The following ERCC6 variants were observed in gnomAD, a reference collection of about 807,000 sequenced individuals.
ERCC6 encodes the protein ERCC excision repair 6, chromatin remodeling factor, also known as DNA excision repair protein ERCC-6.
In ERCC6, 116 loss-of-function variants were observed where a neutral mutation model predicts 158.7. The ratio of observed to expected loss-of-function variants is 0.73; its 90% CI spans 0.63 to 0.85. The LOEUF is 0.85. ERCC6 is among the 40% of genes least tolerant of loss of function. The pLI is 0.00. For missense variants in ERCC6, 1,698 were observed against 1,799.4 expected, an observed-to-expected ratio of 0.94 and a Z score of 1.02; for synonymous variants, 678 against 659.3, an observed-to-expected ratio of 1.03 and a Z score of -0.43.
intron 3 of ERCC6, among the ~76,000 whole-genome samples, chr10:49,529,721 A>C (rs1014808454): frequency 6.6e-6 from 1 of 152,072 alleles, no homozygotes; most frequent in African/African-American, 2.4e-5. Context: ...AGATGCAAGG[A>C]CTCTACTCAC....
the ERCC6 span, among the ~76,000 whole-genome samples, chr10:49,444,486 T>C: frequency 6.6e-6 from 1 of 152,140 alleles, no homozygotes; most frequent in Non-Finnish European, 1.5e-5. Flanking sequence ...TATCCTATAT[T>C]TTAGGAGAGC....
At position 49,488,823 on chromosome 10, in the gene ERCC6, G is replaced by A. The variant is rs192770492; in HGVS notation, c.1821+4294C>T. Reference sequence around the variant, plus strand: ...TTTTGAGACAGAGTCTCGCTCTGTCGCCCAGACTGGAGTGCAGTGGCGTGA... The same window carrying A: ...TTTTGAGACAGAGTCTCGCTCTGTCACCCAGACTGGAGTGCAGTGGCGTGA... On this transcript the variant is annotated intron_variant, in intron 8 of 20. Coordinates refer to ENST00000355832, the MANE Select transcript of ERCC6 (RefSeq NM_000124.4). Among the ~76,000 whole-genome samples the A allele has an allele frequency of 4.6e-5, 7 of 151,972 alleles. No homozygotes were observed. The East Asian group carries it at 7.7e-4, about 17-fold the overall frequency.
chr10:49,443,138 T>C, the ERCC6 span, among the ~76,000 whole-genome samples: 1 of 152,220 alleles, frequency 6.6e-6, no homozygotes, highest in Non-Finnish European at 1.5e-5. Flanking sequence ...AGACATTGAA[T>C]GGGAAACTGA....
At chr10:49,525,060 G>T in intron 4 of ERCC6, 1 of 568,820 alleles carries the variant, frequency 1.8e-6, no homozygotes. Context: ...GCTTATTACT[G>T]TATAAATACA....
Position 49,524,654 on chromosome 10 carries a change from T to C in ERCC6, c.776A>G (p.Lys259Arg). 6.2e-7 allele frequency: 1 copy of C among 1,614,066 alleles called. No homozygotes were observed. Among genetic ancestry groups the C allele is most frequent in the East Asian group, 2.2e-5 (1 of 44,878 alleles). ...GTQIPQKQEK[K>R]PRKIMLNEAS... ...TTCATTAAGCATGATTTTTCTGGGC[T>C]TTTTCTCCTGTTTCTGAGGGATCTG... The change falls in exon 5 of 21, where the codon AAG becomes AGG. Residue 259 changes from lysine (K) to arginine (R), a missense_variant. By Grantham distance (26) the Lys-to-Arg change is conservative. Coordinates refer to ENST00000355832, the MANE Select transcript of ERCC6 (RefSeq NM_000124.4).
intron 4 of ERCC6, among the ~76,000 whole-genome samples, chr10:49,525,485 C>T (rs1428720703): frequency 6.6e-6 from 1 of 152,178 alleles, no homozygotes; most frequent in Non-Finnish European, 1.5e-5. Flanking sequence ...GACTTGAAGA[C>T]ATTACACCAT....
At chr10:49,437,830 G>A in the ERCC6 span, among the ~76,000 whole-genome samples, 6 of 152,014 alleles carry the variant, frequency 3.9e-5, no homozygotes, top group Non-Finnish European at 5.9e-5. Context: ...AGAAAAACAT[G>A]GAAATAGTCT....
At chr10:49,537,777 C>T (rs977112611) in intron 1 of ERCC6, among the ~76,000 whole-genome samples, 2 of 151,958 alleles carry the variant, frequency 1.3e-5, no homozygotes, top group African/African-American at 2.4e-5. Context: ...GTGCAACCTC[C>T]GCCAGGCTCC....
Position 49,524,055 on chromosome 10 carries a change from C to G in ERCC6, c.1375G>C (p.Asp459His). 6.2e-7 allele frequency: 1 copy of G among 1,613,596 alleles called. No individual in the cohort carries two copies. Among genetic ancestry groups the G allele is most frequent in the Non-Finnish European group, 8.5e-7 (1 of 1,180,004 alleles). ...VGRYRDDGDE[D>H]YYKQRLRRWN... The stretch of plus-strand genomic sequence containing the variant: ...GACCTTAACCGCTGCTTATAATAAT[C>G]TTCATCTCCATCATCTCGGTATCTT... The change falls in exon 5 of 21, where the codon GAT becomes CAT. Residue 459 changes from aspartate to histidine, a missense_variant. Coordinates refer to ENST00000355832, the MANE Select transcript of ERCC6 (RefSeq NM_000124.4).
At chr10:49,450,192 T>TA (rs112150423), downstream of ERCC6, among the ~76,000 whole-genome samples, 67 of 152,312 alleles carry the variant, frequency 4.4e-4, no homozygotes, top group African/African-American at 1.5e-3. Flanking sequence ...TAATGTAAGG[T>TA]AAGTGTCCAA....
chr10:49,538,553 C>T (rs188945685), intron 1 of ERCC6, among the ~76,000 whole-genome samples: 15 of 152,344 alleles, frequency 9.8e-5, no homozygotes, highest in Admixed American at 9.8e-4. Context: ...CGGCCTGCCT[C>T]ATCCGCCCAC....
intron 9 of ERCC6, 114 bp from the exon 10 acceptor site, chr10:49,482,977 C>T: frequency 9.2e-7 from 1 of 1,084,438 alleles, no homozygotes; most frequent in Non-Finnish European, 1.4e-6. Context: ...ATTCTTGCAT[C>T]ATTTTGGTAC....
chr10:49,470,423 AT>A lies in ERCC6; in HGVS notation c.3536del (p.Tyr1179LeufsTer22), dbSNP rs786205171. The A allele has an allele frequency of 1.4e-5, 22 of 1,613,978 alleles. No individual in the cohort carries two copies. The highest frequency in any genetic ancestry group is 1.7e-5 in the Non-Finnish European group (20 of 1,180,012). On this transcript the variant is annotated frameshift_variant, in exon 18 of 21. Transcript: ENST00000355832. LOFTEE classifies it high-confidence loss of function. Reference sequence around the variant, plus strand: ...GATGTTTTGTTTTTGACTTGTGCTTATAAAAATTATTTTCCATTTGTTTATT... The same window carrying A: ...GATGTTTTGTTTTTGACTTGTGCTTAAAAAATTATTTTCCATTTGTTTATT... ...WENKQMENNF[Y>X]KHKSKTKHHS...
chr10:49,533,395 T>A (rs767907732), intron 1 of ERCC6, among the ~76,000 whole-genome samples: 1 of 152,170 alleles, frequency 6.6e-6, no homozygotes, highest in Non-Finnish European at 1.5e-5. Context: ...GGAACAGCGA[T>A]GTTAGGAAAG....
rs1328971722 is a variant in ERCC6 at position 49,458,053 on chromosome 10, G to GT, written c.*761dup. On this transcript the variant is annotated 3_prime_UTR_variant, in exon 21 of 21. Transcript: ENST00000355832. ...ATGTTTGTGTGCATGCATGTGTGTG[G>GT]TTTTTATGTACCTACTTTTGGCTTT... The GT allele has an allele frequency of 2.6e-5, 4 of 152,402 alleles. No homozygotes were observed. In the East Asian group the frequency reaches 7.7e-4, roughly 29 times the overall value. The allele number at this position is 152,402 out of a possible 1,614,324, so 9.4% of individuals were successfully genotyped here.
At chr10:49,503,138 T>C (rs1590438490) in intron 6 of ERCC6, 2 of 152,280 alleles carry the variant, frequency 1.3e-5, no homozygotes, top group East Asian at 3.9e-4. Context: ...ACAACTCTTT[T>C]TGCTTGGGGC....
chr10:49,491,187 G>A (rs570070279), intron 8 of ERCC6, among the ~76,000 whole-genome samples: 8 of 152,222 alleles, frequency 5.3e-5, no homozygotes, highest in South Asian at 2.1e-4. Flanking sequence ...CCAATGTGTC[G>A]TCACCACAAA....
At position 49,457,544 on chromosome 10, in the gene ERCC6, A is replaced by ATTT. The variant is rs1850503402; in HGVS notation, c.*1270_*1271insAAA. ...GGATGAGCAGACAGAAGATCTGGACACAGCTATCCATGTTAAGCATGAGAG... is the reference window on the plus strand; with the variant it reads ...GGATGAGCAGACAGAAGATCTGGACATTTCAGCTATCCATGTTAAGCATGAGAG... On this transcript the variant is annotated 3_prime_UTR_variant, in exon 21 of 21. Coordinates refer to ENST00000355832, the MANE Select transcript of ERCC6 (RefSeq NM_000124.4). 6.6e-6 allele frequency: 1 copy of ATTT among 152,260 alleles called. No individual in the cohort carries two copies. Among genetic ancestry groups the ATTT allele is most frequent in the Admixed American group, 6.5e-5 (1 of 15,284 alleles). 9.4% of individuals were successfully genotyped at this position (152,260 alleles called of 1,614,324 possible).
intron 6 of ERCC6, 118 bp from the exon 7 acceptor site, chr10:49,500,814 A>G: frequency 9.7e-7 from 1 of 1,034,206 alleles, no homozygotes; most frequent in Non-Finnish European, 1.5e-6. Context: ...AGTCAGAGAA[A>G]CATGCGGGAT....
Sources: gnomAD v4.1 joint callset for allele counts (sites outside exome capture counted in the v4.1 genomes callset) on GRCh38, gnomAD v4.1.1 for gene constraint, MANE v1.5 for transcripts, NCBI Gene and HGNC (gene_info 2026-07-23, HGNC 2026-07-21) for gene names.